Variants in CCNB3 observed in about 807,000 individuals in gnomAD.
CCNB3 encodes the protein cyclin B3, also known as G2/mitotic-specific cyclin-B3.
In CCNB3, 12 loss-of-function variants were observed where a neutral mutation model predicts 68.0. The observed-to-expected ratio is 0.18, with a 90% CI of 0.11 to 0.29. CCNB3 has a LOEUF of 0.29. CCNB3 is among the 10% of genes least tolerant of loss of function. The probability of loss-of-function intolerance (pLI) is 1.00; values close to 1 mark genes in which losing one functional copy is unlikely to be tolerated. For synonymous variants in CCNB3, 354 were observed against 388.9 expected, an observed-to-expected ratio of 0.91 and a Z score of 1.06; for missense variants, 904 against 993.1, an observed-to-expected ratio of 0.91 and a Z score of 1.21.
At chrX:50,312,418 G>C in intron 6 of CCNB3, 119 bp from the exon 7 acceptor site, 1 of 592,453 alleles carries the variant, frequency 1.7e-6, no homozygotes, top group Non-Finnish European at 2.9e-6. Flanking sequence ...CATATACAAG[G>C]CTTGAGACAC....
intron 1 of CCNB3, among the ~76,000 whole-genome samples, chrX:50,281,277 C>A (rs765836875): frequency 1.5e-4 from 17 of 111,608 alleles, no homozygotes; most frequent in Non-Finnish European, 3.0e-4. Context: ...CACTTCATGA[C>A]GGCTGTAGTT....
intron 11 of CCNB3, among the ~76,000 whole-genome samples, chrX:50,350,740 G>A (rs1197093160): frequency 3.7e-5 from 4 of 109,237 alleles, no homozygotes; most frequent in Admixed American, 9.8e-5. Context: ...CTGTTACCCA[G>A]GCTGGAGTGC....
intron 5 of CCNB3, among the ~76,000 whole-genome samples, chrX:50,307,439 A>C (rs992629157): frequency 9.0e-6 from 1 of 111,490 alleles, no homozygotes. Context: ...TCCAGAATGC[A>C]TGTTCTTACC....
At chrX:50,299,825 G>C (rs1436466586) in intron 5 of CCNB3, among the ~76,000 whole-genome samples, 2 of 111,555 alleles carry the variant, frequency 1.8e-5, no homozygotes, top group Non-Finnish European at 3.8e-5. Flanking sequence ...TCCTGTATTG[G>C]GTGCATATAT....
At chrX:50,214,481 T>TATATATATATATATATATATATATG in intron 1 of CCNB3, among the ~76,000 whole-genome samples, 1 of 52,530 alleles carries the variant, frequency 1.9e-5, no homozygotes, top group Non-Finnish European at 3.7e-5. Flanking sequence ...GGCCCATATA[T>TATATATATATATATATATATATATG]ATATATATAT....
chrX:50,320,428 C>T (rs1452722291), intron 8 of CCNB3, among the ~76,000 whole-genome samples: 1 of 109,903 alleles, frequency 9.1e-6, no homozygotes, highest in African/African-American at 3.3e-5. Flanking sequence ...CATAGTGTTC[C>T]CTCTTTCATT....
intron 8 of CCNB3, among the ~76,000 whole-genome samples, chrX:50,332,566 G>A (rs1367132938): frequency 9.0e-6 from 1 of 111,560 alleles, no homozygotes; most frequent in African/African-American, 3.3e-5. Context: ...GCTTCCGGGT[G>A]TGACTGGAGC....
In CCNB3 at chrX:50,308,700, T is replaced by C; in HGVS notation, c.531T>C (p.Ser177=). The change falls in exon 6 of 13, where the codon TCT becomes TCC. Residue 177 remains serine (S), a synonymous_variant. Coordinates refer to ENST00000376042, the MANE Select transcript of CCNB3 (RefSeq NM_033031.3). ...EDETLINKSL[S]LKKCSNHEEV... ...AAACCCTTATCAATAAGTCATTATCTTTAAAAAAGTGCTCAAATCATGAGG... is the reference window on the plus strand; with the variant it reads ...AAACCCTTATCAATAAGTCATTATCCTTAAAAAAGTGCTCAAATCATGAGG... 1 of 1,211,090 alleles carries C rather than the reference T, an allele frequency of 8.3e-7. No individual in the cohort carries two copies. The highest frequency in any genetic ancestry group is 3.0e-5 in the East Asian group (1 of 33,814).
At chrX:50,302,507 A>G (rs1557212896) in intron 5 of CCNB3, among the ~76,000 whole-genome samples, 1 of 111,928 alleles carries the variant, frequency 8.9e-6, no homozygotes, top group East Asian at 2.8e-4. Flanking sequence ...CATTTAAAGT[A>G]TACAATTCAA....
intron 8 of CCNB3, among the ~76,000 whole-genome samples, chrX:50,335,550 G>A (rs1448132008): frequency 9.0e-6 from 1 of 111,502 alleles, no homozygotes; most frequent in Non-Finnish European, 1.9e-5. Flanking sequence ...GGATTCCTTC[G>A]AGAGCTTCTC....
chrX:50,302,324 A>G (rs950471686), intron 5 of CCNB3, among the ~76,000 whole-genome samples: 11 of 112,153 alleles, frequency 9.8e-5, no homozygotes. Flanking sequence ...TGCCATAAAC[A>G]TTCTTCTCTT....
intron 5 of CCNB3, among the ~76,000 whole-genome samples, chrX:50,299,598 A>ATG (rs1557211929): frequency 9.0e-6 from 1 of 111,285 alleles, no homozygotes; most frequent in Non-Finnish European, 1.9e-5. Context: ...GCTGAAAAGA[A>ATG]TATATATTCT....
intron 1 of CCNB3, among the ~76,000 whole-genome samples, chrX:50,206,303 G>T (rs189714834): frequency 2.7e-5 from 3 of 110,321 alleles, no homozygotes; most frequent in African/African-American, 9.9e-5. Context: ...TGGGCGCTGC[G>T]GCTCACTCCT....
chrX:50,300,683 C>A (rs782271057), intron 5 of CCNB3, among the ~76,000 whole-genome samples: 2 of 111,672 alleles, frequency 1.8e-5, no homozygotes, highest in Non-Finnish European at 1.9e-5. Context: ...GTTGGCCTGC[C>A]TTGCTAGATT....
At chrX:50,209,168 T>C (rs1557205980) in intron 1 of CCNB3, among the ~76,000 whole-genome samples, 1 of 111,824 alleles carries the variant, frequency 8.9e-6, no homozygotes. Flanking sequence ...CGTGTACAGT[T>C]TGACAAGCTT....
At chrX:50,331,358 T>C (rs1922586705) in intron 8 of CCNB3, among the ~76,000 whole-genome samples, 1 of 111,917 alleles carries the variant, frequency 8.9e-6, no homozygotes, top group Admixed American at 9.4e-5. Flanking sequence ...ATTTACTAAA[T>C]GTATTCCTTT....
At chrX:50,228,135 C>T (rs1254178411) in intron 1 of CCNB3, among the ~76,000 whole-genome samples, 1,667 of 87,478 alleles carry the variant, frequency 0.019, 32 homozygotes, top group African/African-American at 0.065. Flanking sequence ...TGAATATATA[C>T]ATAATATATA....
At chrX:50,280,001 T>C (rs1936087514) in intron 1 of CCNB3, among the ~76,000 whole-genome samples, 1 of 78,078 alleles carries the variant, frequency 1.3e-5, no homozygotes, top group African/African-American at 5.1e-5. Flanking sequence ...AATATATACA[T>C]AGAATATATA....
intron 3 of CCNB3, among the ~76,000 whole-genome samples, chrX:50,286,863 C>A (rs371062582): frequency 9.0e-6 from 1 of 110,720 alleles, no homozygotes; most frequent in East Asian, 2.9e-4. Context: ...TTGGCCCGAA[C>A]GGTCTCAATC....
Sources: allele counts gnomAD v4.1 joint callset (sites outside exome capture counted in the v4.1 genomes callset), GRCh38; gene constraint gnomAD v4.1.1; transcripts MANE v1.5; gene names NCBI Gene and HGNC (gene_info 2026-07-23, HGNC 2026-07-21).